The following WAPL variants were observed in gnomAD, a reference collection of about 807,000 sequenced individuals.
WAPL encodes the protein wings apart-like protein homolog.
WAPL carries 5 observed loss-of-function variants against 121.0 expected under a neutral mutation model. The observed-to-expected ratio is 0.04, with a 90% confidence interval of 0.02 to 0.09. The LOEUF is 0.09. Among genes scored for constraint, WAPL ranks in the 10% least tolerant of loss-of-function variants. The pLI, the probability that WAPL is intolerant of heterozygous loss-of-function variation, is 1.00. For missense variants in WAPL, 999 were observed against 1,410.8 expected (o/e 0.71, Z 4.68); for synonymous variants, 480 against 481.5 (o/e 1.00, Z 0.04).
chr10:86,453,251 G>C lies in WAPL; in HGVS notation c.2918C>G (p.Pro973Arg). Residue 973 changes from proline (P) to arginine (R), a missense_variant, in exon 14 of 19, where the codon CCT becomes CGT. By Grantham distance (103) the Pro-to-Arg change is moderately radical. Around this residue, in one of 7 missense-constraint regions of WAPL, gnomAD observed 85 missense variants for 133.5 expected, o/e 0.64. Coordinates refer to ENST00000298767, the MANE Select transcript of WAPL (RefSeq NM_015045.5). ...TCGAATATCAAATCTCTGCTCCTGA[G>C]GTAGGTACTTTGGAACCTGAAGCAC... Reference protein sequence around the residue: ...NCVLQVPKYLPQEQRFDIRVL... With the variant: ...NCVLQVPKYLRQEQRFDIRVL... 1 of 1,614,044 alleles carries C rather than the reference G, an allele frequency of 6.2e-7. No homozygotes were observed. The highest frequency in any genetic ancestry group is 8.5e-7 in the Non-Finnish European group (1 of 1,179,988).
chr10:86,503,283 C>A (rs1368975728), intron 2 of WAPL, among the ~76,000 whole-genome samples: 2 of 152,064 alleles, frequency 1.3e-5, no homozygotes, highest in African/African-American at 2.4e-5. Flanking sequence ...GAGGACTAAA[C>A]TTAAACAATG....
rs781378926 is a variant in WAPL at position 86,446,408 on chromosome 10, A to G, written c.3156T>C (p.Ser1052=). 3.7e-6 allele frequency: 6 copies of G among 1,614,090 alleles called. No homozygotes were observed. Among genetic ancestry groups the G allele is most frequent in the East Asian group, 2.2e-5 (1 of 44,872 alleles). Residue 1052 remains serine (S), a synonymous_variant, in exon 16 of 19, where the codon AGT becomes AGC. Coordinates refer to ENST00000298767, the MANE Select transcript of WAPL (RefSeq NM_015045.5). ...ERERAAQLAE[S]KTDELIKDAP... is the part of the protein sequence containing the mutation. ...CATCTTTGATCAACTCATCTGTTTT[A>G]CTTTCTGCTAGCTGGGCTGCCCGCT... is the stretch of plus-strand genomic sequence containing the variant.
intron 12 of WAPL, among the ~76,000 whole-genome samples, chr10:86,457,637 A>C (rs1841182472): frequency 2.0e-5 from 3 of 151,824 alleles, no homozygotes; most frequent in Admixed American, 1.3e-4. Flanking sequence ...TGGGCTCAGA[A>C]AAAAAAATAA....
chr10:86,483,798 T>TA (rs1330597196), intron 4 of WAPL, among the ~76,000 whole-genome samples: 1 of 127,146 alleles, frequency 7.9e-6, no homozygotes, highest in East Asian at 2.2e-4. Context: ...TTTTTTCTTT[T>TA]TTTTTTTTTT....
chr10:86,503,512 G>A (rs1842285871), intron 2 of WAPL, among the ~76,000 whole-genome samples: 1 of 152,132 alleles, frequency 6.6e-6, no homozygotes, highest in Non-Finnish European at 1.5e-5. Context: ...CAGCACTTTG[G>A]GAGGCCGAAG....
At chr10:86,488,889 T>C (rs917246511) in intron 4 of WAPL, among the ~76,000 whole-genome samples, 1 of 152,132 alleles carries the variant, frequency 6.6e-6, no homozygotes, top group Admixed American at 6.6e-5. Flanking sequence ...CAGGCAACAA[T>C]CAATGCCAAA....
At chr10:86,465,708 G>A (rs1022298716) in intron 9 of WAPL, among the ~76,000 whole-genome samples, 5 of 152,136 alleles carry the variant, frequency 3.3e-5, no homozygotes, top group African/African-American at 7.2e-5. Flanking sequence ...GTAATGGCAT[G>A]GGGATCCCGA....
At chr10:86,454,543 G>A (rs948357472) in intron 12 of WAPL, among the ~76,000 whole-genome samples, 1 of 152,244 alleles carries the variant, frequency 6.6e-6, no homozygotes, top group African/African-American at 2.4e-5. Flanking sequence ...ACACCTGACT[G>A]GTTTTTGCTG....
Position 86,477,821 on chromosome 10 carries a change from T to C in WAPL, c.1645-3848A>G, listed in dbSNP as rs946527288. Among the ~76,000 whole-genome samples, 8 of 151,950 alleles carry C rather than the reference T, an allele frequency of 5.3e-5. No individual in the cohort carries two copies. In the East Asian group the frequency reaches 5.8e-4, roughly 11 times the overall value. On this transcript the variant is annotated intron_variant, in intron 4 of 18. Transcript: ENST00000298767. ...CAGGCCGGGTGCAGTGGCTCACGCC[T>C]GTAATCCTAGCACTTTGGGAGGTCA...
Position 86,447,572 on chromosome 10 carries a change from T to C in WAPL, c.3115-1123A>G, listed in dbSNP as rs140297327. 4.3e-4 allele frequency among the ~76,000 whole-genome samples: 65 copies of C among 151,608 alleles called. 1 individual carries two copies. The East Asian group carries it at 0.01, about 24-fold the overall frequency. ...AGACTGGCAAAAATCTTGGCAAGAG[T>C]ATGAAAGAATGGGGACTCTTATAAA... On this transcript the variant is annotated intron_variant, in intron 15 of 18. Coordinates refer to ENST00000298767, the MANE Select transcript of WAPL (RefSeq NM_015045.5).
At chr10:86,479,492 G>A (rs1244326794) in intron 4 of WAPL, among the ~76,000 whole-genome samples, 2 of 152,216 alleles carry the variant, frequency 1.3e-5, no homozygotes, top group East Asian at 1.9e-4. Flanking sequence ...GACCTCAGGT[G>A]ATCCACCTGC....
intron 4 of WAPL, among the ~76,000 whole-genome samples, chr10:86,477,568 C>T (rs143426520): frequency 2.0e-3 from 310 of 152,134 alleles, no homozygotes; most frequent in African/African-American, 6.8e-3. Flanking sequence ...TTTGGTAGGC[C>T]GAGACAGGTG....
intron 12 of WAPL, among the ~76,000 whole-genome samples, chr10:86,456,342 C>T (rs370085085): frequency 9.3e-5 from 14 of 150,918 alleles, no homozygotes; most frequent in East Asian, 5.8e-4. Context: ...CAGAATAAAA[C>T]CCAAAGAAAT....
intron 2 of WAPL, among the ~76,000 whole-genome samples, chr10:86,507,227 G>A (rs1259526731): frequency 6.6e-6 from 1 of 151,570 alleles, no homozygotes; most frequent in Non-Finnish European, 1.5e-5. Context: ...AATTAGCCAG[G>A]TGTGGTGACA....
intron 8 of WAPL, among the ~76,000 whole-genome samples, chr10:86,468,680 A>G (rs1841458734): frequency 6.6e-6 from 1 of 152,062 alleles, no homozygotes; most frequent in South Asian, 2.1e-4. Flanking sequence ...AAATAAACCA[A>G]TCGCCAGGCG....
intron 15 of WAPL, among the ~76,000 whole-genome samples, chr10:86,448,816 T>C (rs968820866): frequency 6.6e-6 from 1 of 152,112 alleles, no homozygotes; most frequent in African/African-American, 2.4e-5. Flanking sequence ...AATTTTGCCA[T>C]GTTGCCCAGG....
At chr10:86,483,172 G>A (rs1483046233) in intron 4 of WAPL, among the ~76,000 whole-genome samples, 1 of 152,142 alleles carries the variant, frequency 6.6e-6, no homozygotes, top group Non-Finnish European at 1.5e-5. Context: ...TGTAATCCTA[G>A]CATTTTGGGA....
chr10:86,439,939 T>A (rs1032153704), intron 17 of WAPL, among the ~76,000 whole-genome samples: 9 of 152,234 alleles, frequency 5.9e-5, no homozygotes, highest in African/African-American at 2.2e-4. Context: ...TTCTTGTCTA[T>A]CTCTTTTCAC....
In WAPL at chr10:86,464,930, A is replaced by C. The variant is rs117192694; in HGVS notation, c.2370+2349T>G. On this transcript the variant is annotated intron_variant, in intron 9 of 18. Coordinates refer to ENST00000298767, the MANE Select transcript of WAPL (RefSeq NM_015045.5). ...ATCATTGATTTGCCATCTGGGCACA[A>C]CACCTCTCTCCACAATCTTATAAAG... Among the ~76,000 whole-genome samples the C allele has an allele frequency of 1.5e-3, 229 of 152,372 alleles. 6 individuals are homozygous for C. In the East Asian group the frequency reaches 0.039, roughly 26 times the overall value.
Sources: gnomAD v4.1 joint callset for allele counts (sites outside exome capture counted in the v4.1 genomes callset) on GRCh38, gnomAD v4.1.1 for gene constraint, gnomAD v4.1.1 regional missense constraint, MANE v1.5 for transcripts, NCBI Gene and HGNC (gene_info 2026-07-23, HGNC 2026-07-21) for gene names.